REV3L: variants seen among roughly 807,000 people sequenced by gnomAD.
REV3L encodes the protein REV3 like, DNA directed polymerase zeta catalytic subunit, also known as DNA polymerase zeta catalytic subunit.
A neutral mutation model predicts 299.4 loss-of-function variants in REV3L; 69 were observed. The observed-to-expected ratio is 0.23, with a 90% CI of 0.19 to 0.28. The LOEUF is 0.28. Ranked by LOEUF, REV3L falls within the 10% of genes least tolerant of loss-of-function variation. The pLI, the probability that REV3L is intolerant of heterozygous loss-of-function variation, is 1.00. For missense variants in REV3L, 3,128 were observed against 3,693.8 expected (o/e 0.85, Z 3.97); for synonymous variants, 1,238 against 1,271.4 (o/e 0.97, Z 0.56).
intron 17 of REV3L, 100 bp downstream of exon 17, chr6:111,358,722 T>G: frequency 1.2e-6 from 1 of 845,352 alleles, no homozygotes; most frequent in Non-Finnish European, 1.8e-6. Context: ...TAGAAAAGAG[T>G]CATCATGCTT....
chr6:111,398,110 A>G (rs1239509694), intron 4 of REV3L, among the ~76,000 whole-genome samples: 1 of 151,440 alleles, frequency 6.6e-6, no homozygotes, highest in African/African-American at 2.4e-5. Flanking sequence ...TTTGCTTTCA[A>G]TCTAATAATA....
At chr6:111,377,676 T>A (rs1355015690) in intron 12 of REV3L, 25 bp downstream of exon 12, 4 of 1,598,664 alleles carry the variant, frequency 2.5e-6, no homozygotes, top group Non-Finnish European at 2.6e-6. Flanking sequence ...ATAACCAATT[T>A]CTCACAGTAG....
intron 25 of REV3L, among the ~76,000 whole-genome samples, chr6:111,322,956 T>A (rs907902464): frequency 1.3e-5 from 2 of 152,164 alleles, no homozygotes; most frequent in African/African-American, 2.4e-5. Context: ...CTCAGCTACG[T>A]TGGATTCTTG....
Position 111,367,884 on chromosome 6 carries a change from G to C in REV3L, c.5904C>G (p.Pro1968=). 2 of 1,614,078 alleles carry C rather than the reference G, an allele frequency of 1.2e-6. No individual in the cohort carries two copies. Among genetic ancestry groups the C allele is most frequent in the Non-Finnish European group, 1.7e-6 (2 of 1,179,990 alleles). Residue 1968 remains proline (P), a synonymous_variant, in exon 14 of 32, where the codon CCC becomes CCG. Transcript: ENST00000368802. ...TGACAACTCCTTGGCCACTGCGAAGGGGTGACCCTGGCCTTGGATTCTGAG... is the reference window on the plus strand; with the variant it reads ...TGACAACTCCTTGGCCACTGCGAAGCGGTGACCCTGGCCTTGGATTCTGAG... The part of the protein sequence containing the change: ...AMTQNPRPGS[P]LRSGQGVVNK...
At chr6:111,481,687 G>A (rs997323325) in intron 1 of REV3L, among the ~76,000 whole-genome samples, 1 of 152,102 alleles carries the variant, frequency 6.6e-6, no homozygotes, top group South Asian at 2.1e-4. Flanking sequence ...ATAGCTAGAG[G>A]GAAGAACAAC....
At chr6:111,371,521 G>A (rs181535706) in intron 13 of REV3L, among the ~76,000 whole-genome samples, 4 of 151,530 alleles carry the variant, frequency 2.6e-5, no homozygotes, top group African/African-American at 9.7e-5. Flanking sequence ...CTCCTGAGTA[G>A]CTGGGACCAC....
At chr6:111,460,347 T>G (rs1219013040) in intron 1 of REV3L, 1 of 152,000 alleles carries the variant, frequency 6.6e-6, no homozygotes, top group Non-Finnish European at 1.5e-5. Flanking sequence ...CAGTCGTACT[T>G]CAAACCTCAG....
chr6:111,441,295 C>T (rs956834884), intron 1 of REV3L, among the ~76,000 whole-genome samples: 2 of 152,168 alleles, frequency 1.3e-5, no homozygotes, highest in Non-Finnish European at 2.9e-5. Flanking sequence ...CTCTGTCACT[C>T]AGGCTGGAGT....
intron 1 of REV3L, among the ~76,000 whole-genome samples, chr6:111,449,706 C>T (rs1203005953): frequency 3.3e-5 from 5 of 152,150 alleles, no homozygotes; most frequent in African/African-American, 1.2e-4. Flanking sequence ...GAAAGGATTA[C>T]ACTATCTCCA....
In REV3L at chr6:111,374,101, A is replaced by G. The variant is rs3218589; in HGVS notation, c.4254T>C (p.Asn1418=). The G allele has an allele frequency of 2.3e-4, 377 of 1,614,130 alleles. 1 individual carries two copies. The African/African-American group carries it at 4.6e-3, about 20-fold the overall frequency. ...ESKLDQAYTP[N]FLHCKDSQQQ... ...GCTGACTGTCTTTGCAATGCAAAAA[A>G]TTAGGGGTATATGCTTGGTCCAGCT... The change falls in exon 13 of 32, where the codon AAT becomes AAC. Residue 1418 remains asparagine, a synonymous_variant. Coordinates refer to ENST00000368802, the MANE Select transcript of REV3L (RefSeq NM_001372078.1).
chr6:111,481,251 C>T (rs1037555495), intron 1 of REV3L, among the ~76,000 whole-genome samples: 7 of 152,332 alleles, frequency 4.6e-5, no homozygotes, highest in African/African-American at 1.7e-4. Flanking sequence ...CCTTCCTCTG[C>T]ATCTGAAGTG....
At chr6:111,412,259 A>G in intron 2 of REV3L, 10 of 985,322 alleles carry the variant, frequency 1.0e-5, no homozygotes, top group Non-Finnish European at 1.2e-5. Flanking sequence ...TAAGCAACAT[A>G]ATCATGTTAT....
At chr6:111,427,498 G>A (rs1786319800) in intron 1 of REV3L, among the ~76,000 whole-genome samples, 2 of 152,158 alleles carry the variant, frequency 1.3e-5, no homozygotes, top group Non-Finnish European at 2.9e-5. Flanking sequence ...CAAATACAGT[G>A]CTGACACGAT....
intron 18 of REV3L, among the ~76,000 whole-genome samples, chr6:111,352,310 G>A (rs1299725502): frequency 6.6e-6 from 1 of 152,080 alleles, no homozygotes; most frequent in African/African-American, 2.4e-5. Context: ...TTTTTGTAAA[G>A]TAAACATAAT....
intron 31 of REV3L, among the ~76,000 whole-genome samples, chr6:111,303,165 C>CTTTTTT (rs1189398273): frequency 0.014 from 1,286 of 92,264 alleles, 133 homozygotes; most frequent in African/African-American, 0.048. Flanking sequence ...TCTTTTCTTT[C>CTTTTTT]TTTTTTTTTT....
At chr6:111,303,169 T>C (rs72943386) in intron 31 of REV3L, among the ~76,000 whole-genome samples, 2,662 of 12,796 alleles carry the variant, frequency 0.21, 140 homozygotes, top group Admixed American at 0.37. Flanking sequence ...TTCTTTCTTT[T>C]TTTTTTTTTT....
chr6:111,313,306 T>C (rs558246099), intron 28 of REV3L, 46 bp downstream of exon 28: 29 of 1,567,358 alleles, frequency 1.9e-5, no homozygotes, highest in Non-Finnish European at 2.3e-5. Flanking sequence ...CCAGACACTT[T>C]AGCCACTTAT....
chr6:111,470,501 G>A (rs1336537614), intron 1 of REV3L, among the ~76,000 whole-genome samples: 3 of 152,090 alleles, frequency 2.0e-5, no homozygotes, highest in African/African-American at 4.8e-5. Context: ...AGATTACATC[G>A]CTTATAACAG....
chr6:111,305,058 C>T (rs1772119724), intron 31 of REV3L, among the ~76,000 whole-genome samples: 1 of 151,862 alleles, frequency 6.6e-6, no homozygotes, highest in African/African-American at 2.4e-5. Flanking sequence ...TCTCCTGCCT[C>T]AGCCTCCTGA....
Sources: allele counts gnomAD v4.1 joint callset (sites outside exome capture counted in the v4.1 genomes callset), GRCh38; gene constraint gnomAD v4.1.1; transcripts MANE v1.5; gene names NCBI Gene and HGNC (gene_info 2026-07-23, HGNC 2026-07-21).